The following DDX42 variants were observed in gnomAD, a reference collection of about 807,000 sequenced individuals.
DDX42 encodes the protein DEAD-box helicase 42, also known as ATP-dependent RNA helicase DDX42.
A neutral mutation model predicts 101.5 loss-of-function variants in DDX42; 22 were observed. That is an observed-to-expected ratio of 0.22 (90% CI 0.15 to 0.31). The LOEUF is 0.31. Ranked by LOEUF, DDX42 falls within the 10% of genes least tolerant of loss-of-function variation. DDX42 has a pLI of 1.00. For synonymous variants in DDX42, 402 were observed against 401.2 expected, an observed-to-expected ratio of 1.00 and a Z score of -0.02; for missense variants, 849 against 1,199.9, an observed-to-expected ratio of 0.71 and a Z score of 4.32.
chr17:63,818,506 CCT>C lies in DDX42; in HGVS notation c.*109_*110del. The C allele has an allele frequency of 1.0e-6, 1 of 995,728 alleles. No homozygotes were observed. The highest frequency in any genetic ancestry group is 1.7e-5 in the South Asian group (1 of 58,624). The allele number at this position is 995,728 out of a possible 1,614,324, so 61.7% of individuals were successfully genotyped here. A position where few individuals can be genotyped will look rare whatever the true frequency, so the allele number is the denominator to read the frequency against. ...GGTCCAAAGTGTAAGGACCCCCTGC[CCT>C]TAGTGGAGAGCTGGAGCTTGGAGAC... is the stretch of plus-strand genomic sequence containing the variant. On this transcript the variant is annotated 3_prime_UTR_variant, in exon 18 of 18. Transcript: ENST00000389924.
In DDX42 at chr17:63,804,505, A is replaced by G. The variant is rs552080368; in HGVS notation, c.622-566A>G. On this transcript the variant is annotated intron_variant, in intron 6 of 17. Transcript: ENST00000389924. ...AAAAGCAGAGCTATCTCCAAAATAAATATTAGGAGTGTTTTTAAATGCTTA... is the reference window on the plus strand; with the variant it reads ...AAAAGCAGAGCTATCTCCAAAATAAGTATTAGGAGTGTTTTTAAATGCTTA... 1.4e-4 allele frequency among the ~76,000 whole-genome samples: 22 copies of G among 152,338 alleles called. No individual in the cohort carries two copies. The South Asian group carries it at 2.7e-3, about 19-fold the overall frequency.
chr17:63,788,757 G>T (rs1368021423), intron 2 of DDX42, among the ~76,000 whole-genome samples: 3 of 152,168 alleles, frequency 2.0e-5, no homozygotes, highest in South Asian at 2.1e-4. Context: ...GTTAGAAAAG[G>T]CTGGGATTTA....
At chr17:63,782,511 C>T (rs941911032) in intron 1 of DDX42, among the ~76,000 whole-genome samples, 1 of 152,132 alleles carries the variant, frequency 6.6e-6, no homozygotes, top group Non-Finnish European at 1.5e-5. Flanking sequence ...GTTTCCATCT[C>T]CATTAGTGGC....
At chr17:63,808,099 G>A (rs1253556101) in intron 9 of DDX42, among the ~76,000 whole-genome samples, 199 bp downstream of exon 9, 1 of 152,048 alleles carries the variant, frequency 6.6e-6, no homozygotes, top group African/African-American at 2.4e-5. Flanking sequence ...GGAAACTTTT[G>A]GAAAGTATTA....
chr17:63,779,346 C>T (rs1160081050), intron 1 of DDX42, among the ~76,000 whole-genome samples: 7 of 152,314 alleles, frequency 4.6e-5, no homozygotes, highest in South Asian at 4.1e-4. Flanking sequence ...CCACTGCAAC[C>T]TCCGACTCCT....
chr17:63,795,884 A>T (rs1271384820), intron 3 of DDX42, among the ~76,000 whole-genome samples: 1 of 152,230 alleles, frequency 6.6e-6, no homozygotes, highest in Non-Finnish European at 1.5e-5. Context: ...CATATTCCTT[A>T]TGCAGTATCA....
At position 63,806,604 on chromosome 17, in the gene DDX42, C is replaced by T; in HGVS notation, c.796C>T (p.His266Tyr). The change falls in exon 8 of 18, where the codon CAC (histidine) becomes TAC (tyrosine). Residue 266 changes from histidine (H) to tyrosine (Y), a missense_variant. Transcript: ENST00000389924. ...TTTTGGGTTTGACGAACAACTTATG[C>T]ACCAGATTCGGAAATCTGAATACAC... Reference protein sequence around the residue: ...AHFGFDEQLMHQIRKSEYTQP... With the variant: ...AHFGFDEQLMYQIRKSEYTQP... The T allele has an allele frequency of 1.9e-6, 3 of 1,613,462 alleles. No homozygotes were observed. The highest frequency in any genetic ancestry group is 2.5e-6 in the Non-Finnish European group (3 of 1,179,810).
At chr17:63,793,879 T>TATATATATATATA (rs780884817) in intron 3 of DDX42, among the ~76,000 whole-genome samples, 1 of 103,024 alleles carries the variant, frequency 9.7e-6, no homozygotes, top group African/African-American at 4.0e-5. Flanking sequence ...TATATATATA[T>TATATATATATATA]AATTTTTTAA....
At chr17:63,811,539 C>T (rs918272873) in intron 13 of DDX42, 10 of 363,824 alleles carry the variant, frequency 2.7e-5, no homozygotes, top group Admixed American at 8.6e-5. Context: ...TAGGGGCCTA[C>T]GCAGGAGGGA....
At chr17:63,785,204 C>T (rs2039532581) in intron 1 of DDX42, among the ~76,000 whole-genome samples, 1 of 152,018 alleles carries the variant, frequency 6.6e-6, no homozygotes, top group Non-Finnish European at 1.5e-5. Context: ...TGCAGGGGCT[C>T]ATGCCTGTAA....
intron 3 of DDX42, among the ~76,000 whole-genome samples, chr17:63,797,291 G>A (rs1445121431): frequency 6.8e-6 from 1 of 147,164 alleles, no homozygotes; most frequent in African/African-American, 2.5e-5. Context: ...GGAGGAGGTT[G>A]TGGTGAGCCA....
intron 15 of DDX42, among the ~76,000 whole-genome samples, chr17:63,814,741 G>A (rs2039956249): frequency 7.3e-6 from 1 of 136,936 alleles, no homozygotes; most frequent in Non-Finnish European, 1.5e-5. Context: ...CCAGGCTGGA[G>A]TGCAGTGGCG....
chr17:63,815,264 A>T (rs1380186848), intron 15 of DDX42, among the ~76,000 whole-genome samples: 1 of 151,978 alleles, frequency 6.6e-6, no homozygotes, highest in African/African-American at 2.4e-5. Flanking sequence ...AGAAGTAGCC[A>T]AAGTTACTCC....
At position 63,818,063 on chromosome 17, in the gene DDX42, C is replaced by T. The variant is rs2039999706; in HGVS notation, c.2482C>T (p.His828Tyr). The T allele has an allele frequency of 6.2e-7, 1 of 1,613,938 alleles. No homozygotes were observed. Among genetic ancestry groups the T allele is most frequent in the East Asian group, 2.2e-5 (1 of 44,874 alleles). Reference protein sequence around the residue: ...RHSHGETGNRHSDSPRHGDGG... With the variant: ...RHSHGETGNRYSDSPRHGDGG... ...CAGTCACGGAGAGACTGGCAATCGG[C>T]ATAGCGATAGTCCACGTCACGGAGA... The change falls in exon 18 of 18, where the codon CAT becomes TAT. Residue 828 changes from histidine to tyrosine, a missense_variant. His to Tyr is a moderately conservative substitution (Grantham distance 83). Around this residue, in one of 5 missense-constraint regions of DDX42, gnomAD observed 300 missense variants for 304.9 expected, o/e 0.98. Transcript: ENST00000389924.
chr17:63,778,999 A>G (rs996931620), intron 1 of DDX42, among the ~76,000 whole-genome samples: 2 of 152,154 alleles, frequency 1.3e-5, no homozygotes, highest in Admixed American at 1.3e-4. Context: ...CTGGGCACAT[A>G]ACAAAATCAT....
chr17:63,786,596 T>G (rs760437139), intron 1 of DDX42, among the ~76,000 whole-genome samples: 5 of 152,222 alleles, frequency 3.3e-5, no homozygotes, highest in Non-Finnish European at 7.3e-5. Flanking sequence ...ACTACAGTGT[T>G]ATAGTTTTAA....
At chr17:63,774,848 A>G (rs577556841) in intron 1 of DDX42, 1 of 152,244 alleles carries the variant, frequency 6.6e-6, no homozygotes, top group Non-Finnish European at 1.5e-5. Flanking sequence ...GATTATTAGC[A>G]TCACTGTAGT....
intron 1 of DDX42, among the ~76,000 whole-genome samples, chr17:63,786,017 A>G (rs973922052): frequency 1.9e-4 from 29 of 152,330 alleles, no homozygotes; most frequent in Non-Finnish European, 2.9e-4. Context: ...CACATATCAG[A>G]TTCCCCAAAA....
chr17:63,785,458 AAAAAC>A (rs1272453268), intron 1 of DDX42, among the ~76,000 whole-genome samples: 1 of 151,402 alleles, frequency 6.6e-6, no homozygotes, highest in African/African-American at 2.4e-5. Flanking sequence ...TCAAAAAACA[AAAAAC>A]AAAAAAATTT....
Sources: gnomAD v4.1 joint callset for allele counts (sites outside exome capture counted in the v4.1 genomes callset) on GRCh38, gnomAD v4.1.1 for gene constraint, gnomAD v4.1.1 regional missense constraint, MANE v1.5 for transcripts, NCBI Gene and HGNC (gene_info 2026-07-23, HGNC 2026-07-21) for gene names.